Variants in CNBD2 observed in about 807,000 individuals in gnomAD.
The protein encoded by CNBD2 is cyclic nucleotide binding domain containing 2.
In CNBD2, 64 loss-of-function variants were observed where a neutral mutation model predicts 63.7. The ratio of observed to expected loss-of-function variants is 1.00; its 90% confidence interval spans 0.82 to 1.24. The LOEUF is 1.24. Among genes scored for constraint, CNBD2 ranks in the 50% most tolerant of loss-of-function variants. CNBD2 has a pLI of 0.00. For synonymous variants in CNBD2, 229 were observed against 255.4 expected (o/e 0.90, Z 0.99); for missense variants, 691 against 713.5 (o/e 0.97, Z 0.36).
At chr20:35,969,617 A>C (rs1430677542) in intron 1 of CNBD2, among the ~76,000 whole-genome samples, 1 of 152,182 alleles carries the variant, frequency 6.6e-6, no homozygotes, top group Non-Finnish European at 1.5e-5. Flanking sequence ...TTTCCCACTC[A>C]AAATCATTTC....
At chr20:35,962,241 G>A (rs2056314275) in intron 2 of CNBD2, among the ~76,000 whole-genome samples, 1 of 151,132 alleles carries the variant, frequency 6.6e-6, no homozygotes, top group East Asian at 1.9e-4. Flanking sequence ...CAATTCTGAG[G>A]CATGCTCCCT....
chr20:35,965,038 C>G (rs1229185545), upstream of CNBD2, among the ~76,000 whole-genome samples: 1 of 152,276 alleles, frequency 6.6e-6, no homozygotes, highest in South Asian at 2.1e-4. Flanking sequence ...GCAAGACTTT[C>G]TCTGAGGATT....
At chr20:35,971,600 GAGA>G (rs1181737225) in intron 1 of CNBD2, among the ~76,000 whole-genome samples, 2 of 152,208 alleles carry the variant, frequency 1.3e-5, no homozygotes, top group Admixed American at 6.5e-5. Context: ...ATTTTTAGGA[GAGA>G]AGGAGTTTCA....
chr20:35,996,718 G>A (rs966679042), intron 8 of CNBD2, among the ~76,000 whole-genome samples: 1 of 152,230 alleles, frequency 6.6e-6, no homozygotes, highest in South Asian at 2.1e-4. Flanking sequence ...GTGTTGGCCA[G>A]GCTGGTCTCG....
At chr20:35,984,552 C>A in intron 5 of CNBD2, 75 bp from the exon 6 acceptor site, 1 of 1,493,728 alleles carries the variant, frequency 6.7e-7, no homozygotes, top group Non-Finnish European at 9.1e-7. Flanking sequence ...GATGGAGGCA[C>A]GGAAGATGTG....
At chr20:36,000,742 T>A (rs1349194092) in intron 8 of CNBD2, among the ~76,000 whole-genome samples, 3 of 151,164 alleles carry the variant, frequency 2.0e-5, no homozygotes. Context: ...TTTTTTTCAT[T>A]TGTGTATGAA....
At chr20:36,024,152 A>G (rs1264831844) in intron 11 of CNBD2, among the ~76,000 whole-genome samples, 1 of 152,038 alleles carries the variant, frequency 6.6e-6, no homozygotes, top group Admixed American at 6.6e-5. Context: ...CCTGGCCAAC[A>G]TAGTAAAACC....
At chr20:35,977,610 C>T (rs962727469) in intron 3 of CNBD2, among the ~76,000 whole-genome samples, 31 of 152,166 alleles carry the variant, frequency 2.0e-4, no homozygotes, top group African/African-American at 6.8e-4. Flanking sequence ...CCTGGGAAAT[C>T]GAGGTCGCAG....
At chr20:35,993,779 T>A (rs2147269176) in intron 7 of CNBD2, among the ~76,000 whole-genome samples, 1 of 152,008 alleles carries the variant, frequency 6.6e-6, no homozygotes, top group African/African-American at 2.4e-5. Context: ...TAATTTTAAA[T>A]TTATAAAAAA....
At chr20:35,998,466 C>T (rs1021433147) in intron 8 of CNBD2, among the ~76,000 whole-genome samples, 6 of 152,260 alleles carry the variant, frequency 3.9e-5, no homozygotes, top group African/African-American at 1.4e-4. Flanking sequence ...TTGAAAAAAA[C>T]TTGCTGTTTT....
chr20:35,983,904 C>G, intron 4 of CNBD2, 78 bp from the exon 5 acceptor site: 2 of 1,550,262 alleles, frequency 1.3e-6, no homozygotes, highest in Admixed American at 3.4e-5. Flanking sequence ...GCAAAGAGCA[C>G]AACCAGTCCA....
chr20:36,008,420 G>A lies in CNBD2; in HGVS notation c.1094G>A (p.Arg365Lys), dbSNP rs2057013614. Reference protein sequence around the residue: ...AWGLQGTSFSRKIRTSGDTLP... With the variant: ...AWGLQGTSFSKKIRTSGDTLP... ...GGGCTACAGGGGACAAGCTTCAGCA[G>A]GAAGATCAGAACCTCAGGAGACACT... The change falls in exon 9 of 12, where the codon AGG (arginine) becomes AAG (lysine). Residue 365 changes from arginine (R) to lysine (K), a missense_variant. Coordinates refer to ENST00000373973, the MANE Select transcript of CNBD2 (RefSeq NM_001365709.1). 6 of 1,614,022 alleles carry A rather than the reference G, an allele frequency of 3.7e-6. No individual in the cohort carries two copies. Among genetic ancestry groups the A allele is most frequent in the African/African-American group, 1.3e-5 (1 of 74,936 alleles).
chr20:36,028,565 G>T (rs1426375785), intron 11 of CNBD2, among the ~76,000 whole-genome samples: 2 of 152,108 alleles, frequency 1.3e-5, no homozygotes, highest in Non-Finnish European at 2.9e-5. Context: ...ATGCATGGCT[G>T]CATCCACAAG....
intron 6 of CNBD2, among the ~76,000 whole-genome samples, chr20:35,986,652 G>A (rs532789976): frequency 6.6e-5 from 10 of 152,196 alleles, no homozygotes; most frequent in South Asian, 4.1e-4. Context: ...AACTCAGTGC[G>A]CGCATTGAGG....
downstream of CNBD2, among the ~76,000 whole-genome samples, chr20:35,957,433 A>G (rs2056268060): frequency 6.6e-6 from 1 of 151,752 alleles, no homozygotes; most frequent in Non-Finnish European, 1.5e-5. Context: ...CTAAAAATAC[A>G]AAAAATTAGC....
intron 6 of CNBD2, among the ~76,000 whole-genome samples, chr20:35,985,749 A>C (rs2056659271): frequency 6.6e-6 from 1 of 152,178 alleles, no homozygotes; most frequent in Non-Finnish European, 1.5e-5. Context: ...TGGCCTCCCA[A>C]AGTGCTGGGA....
chr20:35,971,474 G>T (rs1256821455), intron 1 of CNBD2, among the ~76,000 whole-genome samples: 1 of 152,040 alleles, frequency 6.6e-6, no homozygotes. Context: ...GTAGTGCAGA[G>T]GCGCGATCTC....
At chr20:35,961,608 G>T (rs565394887) in intron 2 of CNBD2, among the ~76,000 whole-genome samples, 8 of 151,872 alleles carry the variant, frequency 5.3e-5, no homozygotes, top group African/African-American at 1.9e-4. Flanking sequence ...GCTTTTTTCA[G>T]TAATATATTT....
At chr20:35,954,543 C>T (rs1271569381), upstream of CNBD2, 6 of 1,504,914 alleles carry the variant, frequency 4.0e-6, no homozygotes, top group Non-Finnish European at 4.5e-6. Context: ...CGCTTGCGGG[C>T]TCCCGGAAGC....
Sources: gnomAD v4.1 joint callset for allele counts (sites outside exome capture counted in the v4.1 genomes callset) on GRCh38, gnomAD v4.1.1 for gene constraint, MANE v1.5 for transcripts, NCBI Gene and HGNC (gene_info 2026-07-23, HGNC 2026-07-21) for gene names.